The following ADGRG6 variants were observed in gnomAD, a reference collection of about 807,000 sequenced individuals.
ADGRG6 encodes G-protein coupled receptor 126.
In ADGRG6, 84 loss-of-function variants were observed where a neutral mutation model predicts 142.4. The ratio of observed to expected loss-of-function variants is 0.59; its 90% CI spans 0.49 to 0.71. The LOEUF is 0.71. Among genes scored for constraint, ADGRG6 ranks in the 30% least tolerant of loss-of-function variants. The probability of loss-of-function intolerance (pLI) is 0.00; values close to 1 mark genes in which losing one functional copy is unlikely to be tolerated. For synonymous variants in ADGRG6, 521 were observed against 520.5 expected, an observed-to-expected ratio of 1.00 and a Z score of -0.01; for missense variants, 1,367 against 1,466.6, an observed-to-expected ratio of 0.93 and a Z score of 1.11.
In ADGRG6 at chr6:142,400,496, G is replaced by T. The variant is rs774788882; in HGVS notation, c.1579G>T (p.Ala527Ser). The T allele has an allele frequency of 3.0e-5, 46 of 1,525,280 alleles. 1 individual carries two copies. The East Asian group carries it at 1.0e-3, about 34-fold the overall frequency. 94.5% of individuals were successfully genotyped at this position (1,525,280 alleles called of 1,614,324 possible). The change falls in exon 11 of 25, where the codon GCC becomes TCC. Residue 527 changes from alanine to serine, a missense_variant. Ala to Ser is a moderately conservative substitution (Grantham distance 99, BLOSUM62 1). Coordinates refer to ENST00000367609, the MANE Select transcript of ADGRG6 (RefSeq NM_198569.3). The stretch of plus-strand genomic sequence containing the variant: ...TTATGTTCATATAGGTCATTGTCTT[G>T]CCATGGAGGAACCCAAAGGCTACTA... ...VNVRQLGHCL[A>S]MEEPKGYYWP... is the part of the protein sequence containing the mutation.
Position 142,302,287 on chromosome 6 carries a change from A to T in ADGRG6, c.-43A>T, listed in dbSNP as rs1348317554. On this transcript the variant is annotated 5_prime_UTR_variant, in exon 1 of 25. An upstream start codon of the reference 5' UTR is lost. Coordinates refer to ENST00000367609, the MANE Select transcript of ADGRG6 (RefSeq NM_198569.3). ...CAGCAGAGCGGGAAAGTGGTGGAGG[A>T]TGATCTTGCGGCCAAAGGGGACCTC... is the stretch of plus-strand genomic sequence containing the variant. 1.2e-6 allele frequency: 2 copies of T among 1,609,484 alleles called. No individual in the cohort carries two copies. Among genetic ancestry groups the T allele is most frequent in the African/African-American group, 2.7e-5 (2 of 74,812 alleles).
intron 4 of ADGRG6, among the ~76,000 whole-genome samples, chr6:142,374,010 T>A (rs1271433444): frequency 6.6e-6 from 1 of 151,820 alleles, no homozygotes; most frequent in Non-Finnish European, 1.5e-5. Context: ...TCCCTTGTTC[T>A]TATAAATAAA....
chr6:142,381,653 A>T (rs968709847), intron 4 of ADGRG6, among the ~76,000 whole-genome samples: 2 of 152,184 alleles, frequency 1.3e-5, no homozygotes, highest in African/African-American at 4.8e-5. Context: ...AAACTCTTAA[A>T]ATTTATTATA....
In ADGRG6 at chr6:142,302,228, G is replaced by A. The variant is rs1050605903; in HGVS notation, c.-102G>A. The A allele has an allele frequency of 1.4e-6, 2 of 1,392,334 alleles. No individual in the cohort carries two copies. The highest frequency in any genetic ancestry group is 2.9e-5 in the African/African-American group (2 of 70,100). 86.2% of individuals were successfully genotyped at this position (1,392,334 alleles called of 1,614,324 possible). On this transcript the variant is annotated 5_prime_UTR_variant, in exon 1 of 25. Transcript: ENST00000367609. Reference sequence around the variant, plus strand: ...GAGGGTCCCGCCGCGGCGCAGGGCTGGGGCGCCTGGGTTCCCCCTGGGTGG... The same window carrying A: ...GAGGGTCCCGCCGCGGCGCAGGGCTAGGGCGCCTGGGTTCCCCCTGGGTGG...
rs367686663 is a variant in ADGRG6, at chr6:142,415,112, A to G, written c.2669+16A>G. On this transcript the variant is annotated intron_variant, in intron 19 of 24. Coordinates refer to ENST00000367609, the MANE Select transcript of ADGRG6 (RefSeq NM_198569.3). ...TTGCTTTTGAGTAAGTATATTTTTA[A>G]TCTGCCAAACCCATTGCTAACTGTT... 1.2e-4 allele frequency: 192 copies of G among 1,604,930 alleles called. No individual in the cohort carries two copies. The African/African-American group carries it at 2.1e-3, about 18-fold the overall frequency.
chr6:142,366,240 A>G (rs1298055624), intron 2 of ADGRG6, among the ~76,000 whole-genome samples: 1 of 152,226 alleles, frequency 6.6e-6, no homozygotes, highest in African/African-American at 2.4e-5. Flanking sequence ...TTTTCTTTAC[A>G]TAATTCATTC....
At chr6:142,430,056 A>T (rs2115156389) in intron 22 of ADGRG6, among the ~76,000 whole-genome samples, 2 of 152,012 alleles carry the variant, frequency 1.3e-5, no homozygotes, top group Admixed American at 1.3e-4. Context: ...GTCTCAGGGG[A>T]AAAAAAAGAA....
intron 22 of ADGRG6, among the ~76,000 whole-genome samples, chr6:142,422,271 G>A (rs556501226): frequency 7.9e-5 from 12 of 151,738 alleles, no homozygotes; most frequent in African/African-American, 2.4e-4. Flanking sequence ...CCACAAACTC[G>A]TCATCTAGCA....
intron 2 of ADGRG6, among the ~76,000 whole-genome samples, chr6:142,347,929 C>G (rs1312596340): frequency 6.6e-6 from 1 of 152,096 alleles, no homozygotes; most frequent in Non-Finnish European, 1.5e-5. Flanking sequence ...CTGGACCAAA[C>G]TACCATGTTT....
chr6:142,338,526 T>A (rs930157509), intron 2 of ADGRG6, among the ~76,000 whole-genome samples: 3 of 151,018 alleles, frequency 2.0e-5, no homozygotes, highest in African/African-American at 7.3e-5. Context: ...TCTTTAAATT[T>A]GAGCAATATA....
chr6:142,338,037 T>TTTTTTTTTTTTTTTTTTTTTTTTTA, intron 2 of ADGRG6, among the ~76,000 whole-genome samples: 1 of 121,704 alleles, frequency 8.2e-6, no homozygotes, highest in Non-Finnish European at 1.7e-5. Flanking sequence ...TTTTTTTTTT[T>TTTTTTTTTTTTTTTTTTTTTTTTTA]TGAGACGGAG....
intron 8 of ADGRG6, among the ~76,000 whole-genome samples, chr6:142,393,307 C>T (rs1233537140): frequency 6.6e-6 from 1 of 152,124 alleles, no homozygotes; most frequent in Non-Finnish European, 1.5e-5. Flanking sequence ...TTCTCACACC[C>T]TGGTGGATCA....
chr6:142,370,369 T>C lies in ADGRG6; in HGVS notation c.645T>C (p.Phe215=). The change falls in exon 4 of 25, where the codon TTT becomes TTC. Residue 215 remains phenylalanine (F), a synonymous_variant. Coordinates refer to ENST00000367609, the MANE Select transcript of ADGRG6 (RefSeq NM_198569.3). ...SNASFTQLLS[F]GKAKSGYFLS... The stretch of plus-strand genomic sequence containing the variant: ...CATCCTTCACACAATTGCTCAGTTT[T>C]GGAAAGGCCAAGAGTGGCTACTTTC... 1 of 1,613,664 alleles carries C rather than the reference T, an allele frequency of 6.2e-7. No homozygotes were observed. The highest frequency in any genetic ancestry group is 8.5e-7 in the Non-Finnish European group (1 of 1,179,594).
In ADGRG6 at chr6:142,422,406, T is replaced by C. The variant is rs1776705758; in HGVS notation, c.3319+2302T>C. ...TTCAATTCCCACCTATGAGTGACAA[T>C]ATGTGGTGTTTGGTTTTTTGCTCTT... On this transcript the variant is annotated intron_variant, in intron 22 of 24. Coordinates refer to ENST00000367609, the MANE Select transcript of ADGRG6 (RefSeq NM_198569.3). Among the ~76,000 whole-genome samples, 5 of 152,166 alleles carry C rather than the reference T, an allele frequency of 3.3e-5. No homozygotes were observed. In the South Asian group the frequency reaches 8.3e-4, roughly 25 times the overall value.
In ADGRG6 at chr6:142,401,977, T is replaced by C; in HGVS notation, c.1680-17T>C. On this transcript the variant is annotated splice_polypyrimidine_tract_variant and intron_variant, in intron 11 of 24. Coordinates refer to ENST00000367609, the MANE Select transcript of ADGRG6 (RefSeq NM_198569.3). ...CCAGTTATATCAAATATTTAAAATA[T>C]CTATTTTGTTTCATAGTTTTTACAA... 2 of 1,244,334 alleles carry C rather than the reference T, an allele frequency of 1.6e-6. No individual in the cohort carries two copies. The highest frequency in any genetic ancestry group is 2.3e-6 in the Non-Finnish European group (2 of 868,264). The allele number at this position is 1,244,334 out of a possible 1,614,324, so 77.1% of individuals were successfully genotyped here.
At chr6:142,345,711 C>T (rs943956787) in intron 2 of ADGRG6, among the ~76,000 whole-genome samples, 1 of 152,092 alleles carries the variant, frequency 6.6e-6, no homozygotes, top group Non-Finnish European at 1.5e-5. Context: ...TTTCCAGTGA[C>T]AGCATGGCTA....
intron 13 of ADGRG6, among the ~76,000 whole-genome samples, chr6:142,403,328 C>A (rs370221342): frequency 6.6e-6 from 1 of 151,944 alleles, no homozygotes; most frequent in Non-Finnish European, 1.5e-5. Context: ...TAATGTTTTT[C>A]TATTTCCTTC....
chr6:142,389,878 C>T (rs1488650904), intron 6 of ADGRG6, among the ~76,000 whole-genome samples: 1 of 151,820 alleles, frequency 6.6e-6, no homozygotes, highest in Non-Finnish European at 1.5e-5. Context: ...AACTCTTTAT[C>T]ATTCTTTATA....
chr6:142,438,194 T>C lies in ADGRG6; in HGVS notation c.3422-18T>C, dbSNP rs756299540. On this transcript the variant is annotated intron_variant, in intron 23 of 24. Transcript: ENST00000367609. ...CCGGTAAAGCAGATTGATAGGGTGA[T>C]GTCATTTTTTTTTTCAGATTGGAGT... The C allele has an allele frequency of 6.5e-7, 1 of 1,544,456 alleles. No homozygotes were observed. Among genetic ancestry groups the C allele is most frequent in the Non-Finnish European group, 8.8e-7 (1 of 1,137,614 alleles).
Sources: allele counts gnomAD v4.1 joint callset (sites outside exome capture counted in the v4.1 genomes callset), GRCh38; gene constraint gnomAD v4.1.1; transcripts MANE v1.5; gene names NCBI Gene and HGNC (gene_info 2026-07-23, HGNC 2026-07-21).